ZNF783: variants seen among roughly 807,000 people sequenced by gnomAD.
ZNF783 encodes the protein protein ZNF783.
In ZNF783, 25 loss-of-function variants were observed where a neutral mutation model predicts 31.3. That is an observed-to-expected ratio of 0.80 (90% confidence interval 0.58 to 1.11). The LOEUF (loss-of-function observed/expected upper bound fraction) is 1.11, where lower values mean the gene tolerates loss of function less well. ZNF783 is among the 50% of genes most tolerant of loss of function. The pLI is 0.00. For synonymous variants in ZNF783, 369 were observed against 319.1 expected (o/e 1.16, Z -1.66); for missense variants, 797 against 760.0 (o/e 1.05, Z -0.57).
intron 4 of ZNF783, among the ~76,000 whole-genome samples, chr7:149,271,664 A>G (rs35683416): frequency 0.1 from 15,665 of 152,278 alleles, 1,015 homozygotes; most frequent in Non-Finnish European, 0.15. Flanking sequence ...AGTCAAAATG[A>G]TTTAACAGGG....
At chr7:149,264,500 T>G (rs776063400) in intron 1 of ZNF783, among the ~76,000 whole-genome samples, 2 of 152,110 alleles carry the variant, frequency 1.3e-5, no homozygotes, top group African/African-American at 2.4e-5. Context: ...GAAGTCTAGA[T>G]CTTATGCCAG....
intron 5 of ZNF783, among the ~76,000 whole-genome samples, chr7:149,279,851 G>C (rs1797420639): frequency 6.6e-6 from 1 of 151,848 alleles, no homozygotes; most frequent in Non-Finnish European, 1.5e-5. Flanking sequence ...AAAATGAAAA[G>C]TCTCCCATGT....
At chr7:149,270,397 T>C (rs1325150710) in intron 4 of ZNF783, among the ~76,000 whole-genome samples, 1 of 152,246 alleles carries the variant, frequency 6.6e-6, no homozygotes, top group African/African-American at 2.4e-5. Context: ...CCGAAAATGC[T>C]AGTCAGCTTT....
chr7:149,270,382 T>G lies in ZNF783; in HGVS notation c.673+3160T>G, dbSNP rs188178213. Among the ~76,000 whole-genome samples the G allele has an allele frequency of 5.2e-3, 791 of 152,362 alleles. 2 individuals are homozygous for G. The highest frequency in any genetic ancestry group is 0.015 in the South Asian group (74 of 4,830). ...TGGGCTCAAGCAGTCCACCTACTTT[T>G]GCCTCCGAAAATGCTAGTCAGCTTT... On this transcript the variant is annotated intron_variant, in intron 4 of 5. Transcript: ENST00000434415.
In ZNF783 at chr7:149,278,533, T is replaced by C. The variant is rs1272520095; in HGVS notation, c.802+6T>C. The C allele has an allele frequency of 1.3e-6, 2 of 1,597,898 alleles. No homozygotes were observed. Among genetic ancestry groups the C allele is most frequent in the Non-Finnish European group, 1.7e-6 (2 of 1,179,410 alleles). ...CCCAGCCGGGCCAGAAGCAGGTGAG[T>C]GAGGACAGTGAGGCGGCAGGATGAA... On this transcript the variant is annotated splice_donor_region_variant and intron_variant, in intron 5 of 5. Coordinates refer to ENST00000434415, the MANE Select transcript of ZNF783 (RefSeq NM_001195220.2).
rs1326020996 is a variant in ZNF783, at chr7:149,278,540, A to C, written c.802+13A>C. On this transcript the variant is annotated intron_variant, in intron 5 of 5. Coordinates refer to ENST00000434415, the MANE Select transcript of ZNF783 (RefSeq NM_001195220.2). ...GGGCCAGAAGCAGGTGAGTGAGGACAGTGAGGCGGCAGGATGAACAGTGTC... is the reference window on the plus strand; with the variant it reads ...GGGCCAGAAGCAGGTGAGTGAGGACCGTGAGGCGGCAGGATGAACAGTGTC... The C allele has an allele frequency of 1.3e-6, 2 of 1,599,018 alleles. No individual in the cohort carries two copies. Among genetic ancestry groups the C allele is most frequent in the Non-Finnish European group, 1.7e-6 (2 of 1,179,660 alleles).
intron 1 of ZNF783, among the ~76,000 whole-genome samples, chr7:149,263,319 TATATA>T (rs753251084): frequency 0.053 from 7,514 of 142,720 alleles, 294 homozygotes; most frequent in Non-Finnish European, 0.069. Context: ...TATATATATA[TATATA>T]TTTTTTTTTT....
At chr7:149,278,298 C>T in intron 4 of ZNF783, 101 bp from the exon 5 acceptor site, 1 of 1,535,430 alleles carries the variant, frequency 6.5e-7, no homozygotes, top group Non-Finnish European at 8.7e-7. Context: ...GGAGCTGAGG[C>T]CCCAGGATCG....
rs1476201464 is a variant in ZNF783 at position 149,281,697 on chromosome 7, G to A, written c.995G>A (p.Gly332Glu). 6.7e-7 allele frequency: 1 copy of A among 1,492,348 alleles called. No individual in the cohort carries two copies. The highest frequency in any genetic ancestry group is 1.4e-5 in the African/African-American group (1 of 70,074). The allele number at this position is 1,492,348 out of a possible 1,614,324, so 92.4% of individuals were successfully genotyped here. The change falls in exon 6 of 6, where the codon GGG becomes GAG. Residue 332 changes from glycine (G) to glutamate (E), a missense_variant. By Grantham distance (98) the Gly-to-Glu change is moderately conservative. Transcript: ENST00000434415. ...CGGGCAGGGGAGCCACGGCCACCGG[G>A]GGCCAGTGGGGAGACGCCCCGAGTC... Reference protein sequence around the residue: ...RVRAGEPRPPGASGETPRVLS... With the variant: ...RVRAGEPRPPEASGETPRVLS...
Position 149,266,497 on chromosome 7 carries a change from C to T in ZNF783, c.187C>T (p.Arg63Cys), listed in dbSNP as rs764239191. ...GAAGAAGGTGGATTCCTGCCTGACC[C>T]GCTTGCTGACTCTGGAGGGGCGCAC... is the stretch of plus-strand genomic sequence containing the variant. ...LEKKVDSCLT[R>C]LLTLEGRTGT... Residue 63 changes from arginine (R) to cysteine (C), a missense_variant, in exon 2 of 6, where the codon CGC becomes TGC. Transcript: ENST00000434415. 2.2e-5 allele frequency: 36 copies of T among 1,613,508 alleles called. No homozygotes were observed. The highest frequency in any genetic ancestry group is 8.3e-5 in the Admixed American group (5 of 59,990).
At position 149,266,414 on chromosome 7, in the gene ZNF783, A is replaced by T; in HGVS notation, c.104A>T (p.Tyr35Phe). Residue 35 changes from tyrosine to phenylalanine, a missense_variant, in exon 2 of 6, where the codon TAC (tyrosine) becomes TTC (phenylalanine). Physicochemically the swap from Tyr to Phe is conservative, Grantham distance 22 (BLOSUM62 3). Coordinates refer to ENST00000434415, the MANE Select transcript of ZNF783 (RefSeq NM_001195220.2). Reference protein sequence around the residue: ...LPQPAAEKNSYLYSTEITLWT... With the variant: ...LPQPAAEKNSFLYSTEITLWT... ...CAGCCAGCTGCTGAGAAGAACTCGT[A>T]CCTCTACTCCACGGAAATCACACTG... 1 of 1,601,612 alleles carries T rather than the reference A, an allele frequency of 6.2e-7. No homozygotes were observed. The highest frequency in any genetic ancestry group is 8.5e-7 in the Non-Finnish European group (1 of 1,179,790).
At chr7:149,275,721 T>A (rs776289831) in intron 4 of ZNF783, 1 of 152,218 alleles carries the variant, frequency 6.6e-6, no homozygotes, top group Non-Finnish European at 1.5e-5. Context: ...CTGCGTGGAG[T>A]CTTCACCTGA....
Position 149,276,260 on chromosome 7 carries a change from A to T in ZNF783, c.674-2139A>T, listed in dbSNP as rs553250349. ...TTTCACTTAGACTGTTCTGTTTCTC[A>T]TTCTTTTTTGAGGCTTCATCCTGCT... On this transcript the variant is annotated intron_variant, in intron 4 of 5. Coordinates refer to ENST00000434415, the MANE Select transcript of ZNF783 (RefSeq NM_001195220.2). 3.6e-4 allele frequency: 292 copies of T among 804,276 alleles called. 1 individual carries two copies. The highest frequency in any genetic ancestry group is 1.7e-3 in the South Asian group (29 of 17,562). The allele number at this position is 804,276 out of a possible 1,614,324, so 49.8% of individuals were successfully genotyped here.
intron 4 of ZNF783, among the ~76,000 whole-genome samples, chr7:149,271,576 A>G (rs1797210862): frequency 6.6e-6 from 1 of 152,134 alleles, no homozygotes; most frequent in South Asian, 2.1e-4. Flanking sequence ...GTGTATTTTT[A>G]GATTTTTTAT....
At chr7:149,271,294 C>G (rs140420185) in intron 4 of ZNF783, among the ~76,000 whole-genome samples, 2,007 of 152,314 alleles carry the variant, frequency 0.013, 18 homozygotes, top group Middle Eastern at 0.027. Flanking sequence ...ATCTTAAATT[C>G]TCAACGAAAT....
rs765754481 is a variant in ZNF783 at position 149,266,542 on chromosome 7, C to T, written c.232C>T (p.Leu78=). 9.9e-6 allele frequency: 16 copies of T among 1,614,064 alleles called. No individual in the cohort carries two copies. In the Admixed American group the frequency reaches 2.7e-4, roughly 27 times the overall value. ...GCGCACGGGGACAGCCGAGAAGAAGCTGGCCGACTGCGAGAAGACAGCTGT... is the reference window on the plus strand; with the variant it reads ...GCGCACGGGGACAGCCGAGAAGAAGTTGGCCGACTGCGAGAAGACAGCTGT... ...EGRTGTAEKK[L]ADCEKTAVEF... Residue 78 remains leucine, a synonymous_variant, in exon 2 of 6, where the codon CTG becomes TTG. Coordinates refer to ENST00000434415, the MANE Select transcript of ZNF783 (RefSeq NM_001195220.2).
At chr7:149,278,095 G>T (rs1342395993) in intron 4 of ZNF783, 2 of 1,086,722 alleles carry the variant, frequency 1.8e-6, no homozygotes, top group African/African-American at 3.3e-5. Context: ...CTGGCTGGTG[G>T]GACAGGCATG....
intron 4 of ZNF783, among the ~76,000 whole-genome samples, chr7:149,274,085 C>T (rs940899766): frequency 6.6e-5 from 10 of 152,032 alleles, no homozygotes; most frequent in East Asian, 5.8e-4. Flanking sequence ...GATGTGATCC[C>T]GTTTGTTCAT....
intron 4 of ZNF783, among the ~76,000 whole-genome samples, chr7:149,271,248 A>G (rs1797204573): frequency 6.6e-6 from 1 of 152,176 alleles, no homozygotes; most frequent in African/African-American, 2.4e-5. Flanking sequence ...TGGCTCTTTG[A>G]TTTTATATTG....
Sources: gnomAD v4.1 joint callset for allele counts (sites outside exome capture counted in the v4.1 genomes callset) on GRCh38, gnomAD v4.1.1 for gene constraint, MANE v1.5 for transcripts, NCBI Gene and HGNC (gene_info 2026-07-23, HGNC 2026-07-21) for gene names.